ZNF184: variants seen among roughly 807,000 people sequenced by gnomAD.
ZNF184 encodes the protein zinc finger protein 184 (Kruppel-like).
A neutral mutation model predicts 54.4 loss-of-function variants in ZNF184; 16 were observed. The ratio of observed to expected loss-of-function variants is 0.29; its 90% CI spans 0.20 to 0.45. The LOEUF (loss-of-function observed/expected upper bound fraction) is 0.45, where lower values mean the gene tolerates loss of function less well. Among genes scored for constraint, ZNF184 ranks in the 20% least tolerant of loss-of-function variants. The pLI, the probability that ZNF184 is intolerant of heterozygous loss-of-function variation, is 1.00. For synonymous variants in ZNF184, 254 were observed against 295.3 expected (o/e 0.86, Z 1.43); for missense variants, 681 against 888.2 (o/e 0.77, Z 2.97).
At chr6:27,460,971 G>A (rs998957046) in intron 3 of ZNF184, among the ~76,000 whole-genome samples, 2 of 152,036 alleles carry the variant, frequency 1.3e-5, no homozygotes, top group African/African-American at 4.8e-5. Flanking sequence ...ACTAATTATC[G>A]ACATAATTCT....
chr6:27,449,338 T>A (rs532170973), downstream of ZNF184, among the ~76,000 whole-genome samples: 2 of 152,208 alleles, frequency 1.3e-5, no homozygotes, highest in Non-Finnish European at 2.9e-5. Flanking sequence ...ACTTCCGAGG[T>A]CTTTTTATTT....
the ZNF184 span, among the ~76,000 whole-genome samples, chr6:27,423,934 G>A: frequency 3.9e-5 from 6 of 152,156 alleles, no homozygotes; most frequent in African/African-American, 1.2e-4. Context: ...GCTTGAGTCT[G>A]CTCTTGTTGA....
chr6:27,415,761 T>C, the ZNF184 span, among the ~76,000 whole-genome samples: 1 of 152,234 alleles, frequency 6.6e-6, no homozygotes, highest in Non-Finnish European at 1.5e-5. Flanking sequence ...GGAATCCTGG[T>C]TCTGTCATAT....
chr6:27,465,941 T>A (rs1400772990), intron 3 of ZNF184, among the ~76,000 whole-genome samples: 1 of 152,168 alleles, frequency 6.6e-6, no homozygotes, highest in Non-Finnish European at 1.5e-5. Context: ...GATGTCCATG[T>A]CCCAACCCTG....
chr6:27,435,585 CAG>C, the ZNF184 span, among the ~76,000 whole-genome samples: 115 of 152,288 alleles, frequency 7.6e-4, 3 homozygotes, highest in Admixed American at 7.5e-3. Flanking sequence ...CATCTTCAAA[CAG>C]AGATAATTTT....
At chr6:27,470,263 CGAAA>C (rs1763241521) in intron 2 of ZNF184, among the ~76,000 whole-genome samples, 2 of 149,392 alleles carry the variant, frequency 1.3e-5, no homozygotes, top group African/African-American at 2.5e-5. Context: ...GTAGATAAAT[CGAAA>C]GAAAGAAAGA....
At chr6:27,445,721 C>CAAAAAAAAAAAAAAAAA in the ZNF184 span, among the ~76,000 whole-genome samples, 1 of 129,222 alleles carries the variant, frequency 7.7e-6, no homozygotes. Flanking sequence ...TCTGTTATAG[C>CAAAAAAAAAAAAAAAAA]AAAAAAAAAA....
the ZNF184 span, among the ~76,000 whole-genome samples, chr6:27,424,170 G>A: frequency 1.3e-5 from 2 of 152,192 alleles, no homozygotes; most frequent in Non-Finnish European, 2.9e-5. Flanking sequence ...TTTGCGGTAA[G>A]TGTTAGAGCT....
chr6:27,420,218 A>G, the ZNF184 span, among the ~76,000 whole-genome samples: 1 of 152,188 alleles, frequency 6.6e-6, no homozygotes, highest in East Asian at 1.9e-4. Context: ...ATTCCCAGGT[A>G]CCCAACAAAC....
the ZNF184 span, among the ~76,000 whole-genome samples, chr6:27,412,906 G>T: frequency 2.0e-5 from 3 of 152,152 alleles, no homozygotes; most frequent in African/African-American, 7.2e-5. Context: ...ATATGGCAAA[G>T]GATATGAAGG....
intron 5 of ZNF184, among the ~76,000 whole-genome samples, chr6:27,456,377 T>C (rs1762853556): frequency 6.6e-6 from 1 of 152,166 alleles, no homozygotes; most frequent in Non-Finnish European, 1.5e-5. Context: ...AAAGAAAAGA[T>C]AAACTGAATG....
At position 27,463,390 on chromosome 6, in the gene ZNF184, A is replaced by G. The variant is rs1007161105; in HGVS notation, c.75+4463T>C. On this transcript the variant is annotated intron_variant, in intron 3 of 5. Coordinates refer to ENST00000683788, the MANE Select transcript of ZNF184 (RefSeq NM_001318891.2). ...TTAACAGAAGAGTAAGCTTTGAAGA[A>G]GAGAGATTAGTAACTTCAAAGACAC... 5.3e-5 allele frequency among the ~76,000 whole-genome samples: 8 copies of G among 152,166 alleles called. 1 individual carries two copies. Among genetic ancestry groups the G allele is most frequent in the Non-Finnish European group, 7.4e-5 (5 of 67,986 alleles).
At chr6:27,456,559 G>A (rs186271821) in intron 5 of ZNF184, among the ~76,000 whole-genome samples, 1 of 152,296 alleles carries the variant, frequency 6.6e-6, no homozygotes, top group Non-Finnish European at 1.5e-5. Flanking sequence ...AGAAAGAGAT[G>A]TAATTCAGAG....
At chr6:27,413,480 TAGAG>T in the ZNF184 span, among the ~76,000 whole-genome samples, 2 of 152,172 alleles carry the variant, frequency 1.3e-5, no homozygotes, top group Non-Finnish European at 2.9e-5. Flanking sequence ...TACACAAAAT[TAGAG>T]AGACTAGTAA....
the ZNF184 span, among the ~76,000 whole-genome samples, chr6:27,427,167 G>A: frequency 1.4e-5 from 2 of 145,262 alleles, no homozygotes; most frequent in African/African-American, 5.1e-5. Context: ...ATTTATATTT[G>A]CTTATGTCTT....
At chr6:27,411,569 A>G in the ZNF184 span, among the ~76,000 whole-genome samples, 1 of 152,202 alleles carries the variant, frequency 6.6e-6, no homozygotes, top group Non-Finnish European at 1.5e-5. Flanking sequence ...AATAGCCTAT[A>G]TCTTTAATAC....
chr6:27,458,315 A>C (rs1762915045), intron 3 of ZNF184, among the ~76,000 whole-genome samples: 1 of 150,588 alleles, frequency 6.6e-6, no homozygotes, highest in South Asian at 2.1e-4. Context: ...AAAAAAAAAA[A>C]AAAAACAATC....
chr6:27,435,861 G>A, the ZNF184 span, among the ~76,000 whole-genome samples: 1 of 151,410 alleles, frequency 6.6e-6, no homozygotes, highest in South Asian at 2.1e-4. Flanking sequence ...TATGCCTTCA[G>A]TCATATGGTA....
chr6:27,412,523 C>T, the ZNF184 span, among the ~76,000 whole-genome samples: 2 of 152,182 alleles, frequency 1.3e-5, no homozygotes, highest in Non-Finnish European at 2.9e-5. Context: ...TATGGGCACA[C>T]AGGCATAAGC....
Sources: allele counts gnomAD v4.1 joint callset (sites outside exome capture counted in the v4.1 genomes callset), GRCh38; gene constraint gnomAD v4.1.1; transcripts MANE v1.5; gene names NCBI Gene and HGNC (gene_info 2026-07-23, HGNC 2026-07-21).